The following TBC1D5 variants were observed in gnomAD, a reference collection of about 807,000 sequenced individuals.
The protein encoded by TBC1D5 is TBC1 domain family, member 5.
In TBC1D5, 75 loss-of-function variants were observed where a neutral mutation model predicts 100.3. That is an observed-to-expected ratio of 0.75 (90% confidence interval 0.62 to 0.91). The LOEUF is 0.91. Ranked by LOEUF, TBC1D5 falls within the 40% of genes least tolerant of loss-of-function variation. The probability of loss-of-function intolerance (pLI) is 0.00; values close to 1 mark genes in which losing one functional copy is unlikely to be tolerated. For missense variants in TBC1D5, 910 were observed against 942.4 expected (o/e 0.97, Z 0.45); for synonymous variants, 323 against 325.6 (o/e 0.99, Z 0.09).
chr3:17,705,847 G>A, intron 1 of TBC1D5, among the ~76,000 whole-genome samples: 1 of 150,684 alleles, frequency 6.6e-6, no homozygotes, highest in Non-Finnish European at 1.5e-5. Context: ...AGACGGGGTG[G>A]CGGCCGGGCA....
chr3:17,606,567 T>C (rs1199565839), intron 2 of TBC1D5, among the ~76,000 whole-genome samples: 2 of 152,168 alleles, frequency 1.3e-5, no homozygotes, highest in Non-Finnish European at 2.9e-5. Flanking sequence ...ACTGGTGACT[T>C]TTTATAACAA....
intron 2 of TBC1D5, among the ~76,000 whole-genome samples, chr3:17,548,537 T>C (rs1364099825): frequency 6.6e-6 from 1 of 152,138 alleles, no homozygotes; most frequent in African/African-American, 2.4e-5. Context: ...CAAATGTTAA[T>C]AAAAATACTA....
At chr3:17,237,924 T>A (rs982741648) in intron 17 of TBC1D5, among the ~76,000 whole-genome samples, 6 of 152,090 alleles carry the variant, frequency 3.9e-5, no homozygotes, top group African/African-American at 1.4e-4. Flanking sequence ...TCATACTGTA[T>A]GGGCATCTAC....
chr3:17,225,514 A>G (rs1307411339), intron 17 of TBC1D5, among the ~76,000 whole-genome samples: 2 of 151,878 alleles, frequency 1.3e-5, no homozygotes, highest in Admixed American at 1.3e-4. Flanking sequence ...AAAATACAGT[A>G]TAACAGGCTG....
intron 15 of TBC1D5, among the ~76,000 whole-genome samples, chr3:17,269,133 T>A (rs1053087252): frequency 2.0e-5 from 3 of 152,118 alleles, no homozygotes; most frequent in African/African-American, 7.2e-5. Flanking sequence ...CAACACCAGA[T>A]GAATGGCAGC....
In TBC1D5 at chr3:17,429,500, A is replaced by G. The variant is rs552663823; in HGVS notation, c.98-981T>C. ...CATCAGGTTGTATTTGATTTTTATA[A>G]TATTTACAGCTTAATATAACAATGA... On this transcript the variant is annotated intron_variant, in intron 3 of 21. Coordinates refer to ENST00000253692, the Ensembl canonical transcript of TBC1D5. Among the ~76,000 whole-genome samples, 103 of 152,022 alleles carry G rather than the reference A, an allele frequency of 6.8e-4. 4 individuals are homozygous for G. Among genetic ancestry groups the G allele is most frequent in the African/African-American group, 2.1e-3 (87 of 41,552 alleles).
At chr3:17,731,131 C>T (rs953470647) in intron 1 of TBC1D5, among the ~76,000 whole-genome samples, 2 of 152,062 alleles carry the variant, frequency 1.3e-5, no homozygotes, top group African/African-American at 4.8e-5. Context: ...CAAGCAAAAA[C>T]ATGAACAGTT....
At chr3:17,592,047 A>G (rs1160042543) in intron 2 of TBC1D5, among the ~76,000 whole-genome samples, 4 of 152,226 alleles carry the variant, frequency 2.6e-5, no homozygotes, top group African/African-American at 9.6e-5. Flanking sequence ...GAGCAAATTA[A>G]CACATCTCCT....
intron 2 of TBC1D5, among the ~76,000 whole-genome samples, chr3:17,614,737 T>C (rs1249107392): frequency 6.6e-6 from 1 of 152,234 alleles, no homozygotes; most frequent in Non-Finnish European, 1.5e-5. Context: ...TGATTTTGTA[T>C]CCTGAGACTT....
intron 13 of TBC1D5, among the ~76,000 whole-genome samples, chr3:17,339,687 CAT>C (rs1575416584): frequency 6.6e-6 from 1 of 152,172 alleles, no homozygotes; most frequent in African/African-American, 2.4e-5. Context: ...TGTACACACA[CAT>C]GCCATATAGC....
intron 1 of TBC1D5, chr3:17,702,240 T>G (rs1311453284): frequency 6.6e-6 from 1 of 152,154 alleles, no homozygotes; most frequent in African/African-American, 2.4e-5. Context: ...TAAATGCAGT[T>G]CATTTAAAAG....
chr3:17,213,119 C>A (rs1330570628), intron 18 of TBC1D5, among the ~76,000 whole-genome samples: 1 of 152,090 alleles, frequency 6.6e-6, no homozygotes. Flanking sequence ...TTTTTCTGTA[C>A]CTTTTATATG....
In TBC1D5 at chr3:17,677,361, A is replaced by T. The variant is rs1469609761; in HGVS notation, c.-100-53448T>A. Among the ~76,000 whole-genome samples the T allele has an allele frequency of 9.8e-5, 15 of 152,358 alleles. 1 individual carries two copies. In the East Asian group the frequency reaches 2.9e-3, roughly 29 times the overall value. On this transcript the variant is annotated intron_variant, in intron 1 of 21. Coordinates refer to ENST00000253692, the Ensembl canonical transcript of TBC1D5. ...AAGGATGTGAAAAGACATTTCTCAA[A>T]AGAAGACATTTATGCAGCCAAAAGA... is the stretch of plus-strand genomic sequence containing the variant.
intron 3 of TBC1D5, among the ~76,000 whole-genome samples, chr3:17,494,032 T>G (rs1430258778): frequency 6.6e-6 from 1 of 152,222 alleles, no homozygotes; most frequent in African/African-American, 2.4e-5. Context: ...GTTTTTGCGC[T>G]TATTTTTTCT....
At chr3:17,577,346 T>C (rs890147292) in intron 2 of TBC1D5, among the ~76,000 whole-genome samples, 2 of 152,010 alleles carry the variant, frequency 1.3e-5, no homozygotes, top group Non-Finnish European at 2.9e-5. Context: ...TTTACTCTGA[T>C]CAGTGCAGTG....
At chr3:17,581,317 A>G (rs907229560) in intron 2 of TBC1D5, among the ~76,000 whole-genome samples, 4 of 152,202 alleles carry the variant, frequency 2.6e-5, no homozygotes, top group African/African-American at 9.6e-5. Flanking sequence ...AAAATGGACT[A>G]ATATATACCT....
intron 17 of TBC1D5, among the ~76,000 whole-genome samples, chr3:17,225,768 C>G (rs1196866194): frequency 6.6e-6 from 1 of 151,870 alleles, no homozygotes; most frequent in East Asian, 1.9e-4. Flanking sequence ...TACTTGAGCC[C>G]AGGAGGTAGA....
chr3:17,233,515 G>A (rs1251470153), intron 17 of TBC1D5, among the ~76,000 whole-genome samples, 170 bp downstream of exon 18: 1 of 152,180 alleles, frequency 6.6e-6, no homozygotes, highest in Admixed American at 6.5e-5. Flanking sequence ...TATGACATGA[G>A]AGGGGACTTT....
intron 1 of TBC1D5, among the ~76,000 whole-genome samples, chr3:17,710,496 G>A (rs2074604541): frequency 6.6e-6 from 1 of 151,826 alleles, no homozygotes; most frequent in African/African-American, 2.4e-5. Context: ...CCCGGGAGGC[G>A]GAGGTTGCAG....
Sources: allele counts gnomAD v4.1 joint callset (sites outside exome capture counted in the v4.1 genomes callset), GRCh38; gene constraint gnomAD v4.1.1; transcripts MANE v1.5; gene names NCBI Gene and HGNC (gene_info 2026-07-23, HGNC 2026-07-21).